Variants in CSMD1 observed in about 807,000 individuals in gnomAD.
The protein encoded by CSMD1 is CUB and sushi domain-containing protein 1.
Under a neutral mutation model 417.5 loss-of-function variants are expected in CSMD1, and 213 were observed. The ratio of observed to expected loss-of-function variants is 0.51; its 90% CI spans 0.46 to 0.57. CSMD1 has a LOEUF of 0.57. Ranked by LOEUF, CSMD1 falls within the 20% of genes least tolerant of loss-of-function variation. The probability of loss-of-function intolerance (pLI) is 0.00; values close to 1 mark genes in which losing one functional copy is unlikely to be tolerated. For synonymous variants in CSMD1, 2,862 were observed against 1,736.8 expected (o/e 1.65, Z -16.11); for missense variants, 6,923 against 4,529.7 (o/e 1.53, Z -15.17).
At chr8:3,162,528 G>C (rs1422309484) in intron 37 of CSMD1, among the ~76,000 whole-genome samples, 6 of 151,946 alleles carry the variant, frequency 3.9e-5, no homozygotes, top group South Asian at 2.1e-4. Flanking sequence ...AACAAAATTT[G>C]TTACTTCCAC....
intron 3 of CSMD1, among the ~76,000 whole-genome samples, chr8:4,398,162 A>C (rs1257839778): frequency 6.6e-6 from 1 of 152,124 alleles, no homozygotes; most frequent in Non-Finnish European, 1.5e-5. Flanking sequence ...CTACAATGAC[A>C]AGTTTCCTGA....
intron 2 of CSMD1, among the ~76,000 whole-genome samples, chr8:4,566,723 G>C (rs563084393): frequency 6.7e-6 from 1 of 148,250 alleles, no homozygotes; most frequent in African/African-American, 2.5e-5. Context: ...TATACAAACA[G>C]TTTCAAATAT....
At chr8:3,232,315 A>C (rs1384005929) in intron 26 of CSMD1, among the ~76,000 whole-genome samples, 1 of 152,142 alleles carries the variant, frequency 6.6e-6, no homozygotes, top group African/African-American at 2.4e-5. Context: ...CTCTGTCTTA[A>C]ATGCTTAACT....
intron 27 of CSMD1, among the ~76,000 whole-genome samples, chr8:3,229,229 T>A (rs992100058): frequency 6.6e-6 from 1 of 152,122 alleles, no homozygotes; most frequent in Non-Finnish European, 1.5e-5. Context: ...TCTTCACACA[T>A]CAATTAAATT....
intron 2 of CSMD1, among the ~76,000 whole-genome samples, chr8:4,473,326 A>C (rs191976555): frequency 4.9e-4 from 74 of 152,338 alleles, no homozygotes; most frequent in African/African-American, 1.7e-3. Context: ...AGGAGGGAAA[A>C]TCAGCAGAGA....
intron 10 of CSMD1, among the ~76,000 whole-genome samples, chr8:3,499,281 G>A (rs1796494606): frequency 6.6e-6 from 1 of 152,218 alleles, no homozygotes; most frequent in South Asian, 2.1e-4. Flanking sequence ...GTTTGTAGCT[G>A]TCTGAGTAGC....
At chr8:4,363,980 T>C (rs1429573306) in intron 3 of CSMD1, among the ~76,000 whole-genome samples, 1 of 152,154 alleles carries the variant, frequency 6.6e-6, no homozygotes, top group African/African-American at 2.4e-5. Context: ...TACTTTTTGC[T>C]AGCATAACAG....
chr8:4,389,135 C>G (rs944360809), intron 3 of CSMD1, among the ~76,000 whole-genome samples: 1 of 152,318 alleles, frequency 6.6e-6, no homozygotes, highest in African/African-American at 2.4e-5. Context: ...TTAAGTGTAT[C>G]TGTTCTAAAG....
At chr8:3,277,662 G>A (rs926303551) in intron 26 of CSMD1, among the ~76,000 whole-genome samples, 3 of 152,182 alleles carry the variant, frequency 2.0e-5, no homozygotes, top group Admixed American at 6.5e-5. Flanking sequence ...AACAAGGACT[G>A]TGGTTGAGTT....
At chr8:3,271,613 T>C (rs1047662034) in intron 26 of CSMD1, among the ~76,000 whole-genome samples, 6 of 152,194 alleles carry the variant, frequency 3.9e-5, no homozygotes, top group Admixed American at 6.5e-5. Context: ...TTTTTAATGA[T>C]TGCCATTCCA....
intron 2 of CSMD1, among the ~76,000 whole-genome samples, chr8:4,566,340 G>A (rs554831252): frequency 6.6e-6 from 1 of 152,088 alleles, no homozygotes; most frequent in Non-Finnish European, 1.5e-5. Flanking sequence ...TATGACAAGA[G>A]TCCATGAAAA....
At chr8:3,752,402 C>T (rs763632438) in intron 6 of CSMD1, among the ~76,000 whole-genome samples, 58 of 152,058 alleles carry the variant, frequency 3.8e-4, no homozygotes, top group Non-Finnish European at 7.8e-4. Context: ...CACCTGTAAT[C>T]CCAGCACTTT....
In CSMD1 at chr8:4,425,394, A is replaced by T. The variant is rs572255062; in HGVS notation, c.303-5329T>A. 2.7e-5 allele frequency among the ~76,000 whole-genome samples: 4 copies of T among 150,928 alleles called. No individual in the cohort carries two copies. The East Asian group carries it at 7.7e-4, about 29-fold the overall frequency. ...ATTTGTGTGCCAAAAAAAAAAAAAA[A>T]AAATAGAGTCCAACATTAGTTGACA... On this transcript the variant is annotated intron_variant, in intron 2 of 69. Transcript: ENST00000635120.
intron 3 of CSMD1, among the ~76,000 whole-genome samples, chr8:4,338,278 G>C (rs1800286357): frequency 6.6e-6 from 1 of 152,166 alleles, no homozygotes. Flanking sequence ...GTAAGTGCAA[G>C]AGTTCAATGC....
At chr8:3,671,169 A>C (rs940852081) in intron 7 of CSMD1, among the ~76,000 whole-genome samples, 2 of 147,740 alleles carry the variant, frequency 1.4e-5, no homozygotes, top group African/African-American at 4.9e-5. Flanking sequence ...TGTATATGAG[A>C]TATATATGTA....
At chr8:4,740,190 A>G (rs1201813873) in intron 1 of CSMD1, among the ~76,000 whole-genome samples, 2 of 152,156 alleles carry the variant, frequency 1.3e-5, no homozygotes, top group African/African-American at 2.4e-5. Context: ...CGAACACATT[A>G]TCTTATTGTT....
At position 3,159,016 on chromosome 8, in the gene CSMD1, A is replaced by T. The variant is rs564126599; in HGVS notation, c.5845-1050T>A. 3.3e-3 allele frequency among the ~76,000 whole-genome samples: 505 copies of T among 152,322 alleles called. 2 individuals are homozygous for T. The highest frequency in any genetic ancestry group is 4.3e-3 in the Non-Finnish European group (291 of 68,026). On this transcript the variant is annotated intron_variant, in intron 38 of 69. Transcript: ENST00000635120. Reference sequence around the variant, plus strand: ...CTTTCTCATACCTCTTGATATTTTTAAAAGTAGTTACAGTAAAGAAGACCA... The same window carrying T: ...CTTTCTCATACCTCTTGATATTTTTTAAAGTAGTTACAGTAAAGAAGACCA...
chr8:3,969,848 G>C (rs1294026622), intron 5 of CSMD1, among the ~76,000 whole-genome samples: 2 of 152,236 alleles, frequency 1.3e-5, no homozygotes, highest in South Asian at 4.1e-4. Flanking sequence ...CCATCTATAA[G>C]TGCATTTCTA....
chr8:3,098,225 T>G (rs1815469220), intron 46 of CSMD1, among the ~76,000 whole-genome samples: 1 of 152,196 alleles, frequency 6.6e-6, no homozygotes, highest in East Asian at 1.9e-4. Flanking sequence ...ACCTTTTCCT[T>G]AATGAAAAAG....
Sources: gnomAD v4.1 joint callset for allele counts (sites outside exome capture counted in the v4.1 genomes callset) on GRCh38, gnomAD v4.1.1 for gene constraint, MANE v1.5 for transcripts, NCBI Gene and HGNC (gene_info 2026-07-23, HGNC 2026-07-21) for gene names.